ADCY5: variants seen among roughly 807,000 people sequenced by gnomAD.
The protein encoded by ADCY5 is adenylate cyclase 5, also known as adenylate cyclase type 5.
In ADCY5, 30 loss-of-function variants were observed where a neutral mutation model predicts 119.7. The ratio of observed to expected loss-of-function variants is 0.25; its 90% CI spans 0.19 to 0.34. ADCY5 has a LOEUF of 0.34. ADCY5 is among the 10% of genes least tolerant of loss of function. The pLI, the probability that ADCY5 is intolerant of heterozygous loss-of-function variation, is 1.00. For synonymous variants in ADCY5, 753 were observed against 762.2 expected, an observed-to-expected ratio of 0.99 and a Z score of 0.20; for missense variants, 1,324 against 1,775.2, an observed-to-expected ratio of 0.75 and a Z score of 4.57.
chr3:123,441,396 G>A (rs1042332978), intron 1 of ADCY5, among the ~76,000 whole-genome samples: 2 of 152,150 alleles, frequency 1.3e-5, no homozygotes, highest in Non-Finnish European at 2.9e-5. Flanking sequence ...AAGCCAAGGA[G>A]GTGGCCATCC....
chr3:123,344,148 C>A (rs1282640394), intron 3 of ADCY5, among the ~76,000 whole-genome samples: 3 of 152,214 alleles, frequency 2.0e-5, no homozygotes, highest in African/African-American at 7.2e-5. Flanking sequence ...TCCCCAAACC[C>A]CCATCAGTCT....
chr3:123,421,509 T>C (rs914808311), intron 1 of ADCY5, among the ~76,000 whole-genome samples: 3 of 152,198 alleles, frequency 2.0e-5, no homozygotes, highest in Non-Finnish European at 4.4e-5. Flanking sequence ...CTAAATCTAG[T>C]ACCTGGGTGT....
chr3:123,379,379 C>T (rs145190579), intron 1 of ADCY5, among the ~76,000 whole-genome samples: 2 of 152,174 alleles, frequency 1.3e-5, no homozygotes, highest in Non-Finnish European at 2.9e-5. Context: ...GGGAGCATGA[C>T]CTTCCTGGAC....
chr3:123,319,226 C>A (rs1324006736), intron 10 of ADCY5, among the ~76,000 whole-genome samples: 1 of 151,616 alleles, frequency 6.6e-6, no homozygotes, highest in South Asian at 2.1e-4. Flanking sequence ...TGGTGGCGGG[C>A]GCCTATAATC....
At chr3:123,437,217 A>G (rs1945633888) in intron 1 of ADCY5, among the ~76,000 whole-genome samples, 1 of 151,902 alleles carries the variant, frequency 6.6e-6, no homozygotes, top group Non-Finnish European at 1.5e-5. Flanking sequence ...GATTCCCCCA[A>G]CCCCGAGGTC....
intron 1 of ADCY5, among the ~76,000 whole-genome samples, chr3:123,417,733 G>GGGC (rs1945217819): frequency 1.3e-5 from 2 of 152,206 alleles, no homozygotes; most frequent in Non-Finnish European, 2.9e-5. Flanking sequence ...ATGTGACCCT[G>GGGC]GGTGGTCACC....
chr3:123,344,742 C>T (rs1393115120), intron 3 of ADCY5, among the ~76,000 whole-genome samples: 1 of 152,178 alleles, frequency 6.6e-6, no homozygotes, highest in Non-Finnish European at 1.5e-5. Context: ...GCCAAAAGTT[C>T]AACCCCAAAA....
chr3:123,299,523 C>T (rs1193293657), intron 15 of ADCY5, among the ~76,000 whole-genome samples: 1 of 152,260 alleles, frequency 6.6e-6, no homozygotes, highest in African/African-American at 2.4e-5. Flanking sequence ...AATCTTACAT[C>T]TGTCACTACA....
At chr3:123,416,128 G>C in intron 1 of ADCY5, 2 of 1,529,202 alleles carry the variant, frequency 1.3e-6, no homozygotes, top group Non-Finnish European at 1.8e-6. Flanking sequence ...AGGAGAAGGA[G>C]AATCAGCAGA....
chr3:123,403,739 G>A (rs1944833967), intron 1 of ADCY5, among the ~76,000 whole-genome samples: 1 of 152,206 alleles, frequency 6.6e-6, no homozygotes, highest in African/African-American at 2.4e-5. Context: ...GAACTCCTGA[G>A]TTGGGCTTTC....
chr3:123,377,828 G>A (rs1181176397), intron 1 of ADCY5, among the ~76,000 whole-genome samples: 1 of 150,044 alleles, frequency 6.7e-6, no homozygotes, highest in African/African-American at 2.4e-5. Context: ...TACTCGGGAG[G>A]CTGAGACAGA....
intron 5 of ADCY5, 73 bp downstream of exon 5, chr3:123,330,816 G>T: frequency 1.3e-6 from 2 of 1,487,644 alleles, no homozygotes; most frequent in Non-Finnish European, 1.8e-6. Flanking sequence ...CTAGGCAGCC[G>T]GCAGGTCAGT....
intron 1 of ADCY5, chr3:123,367,791 TCTC>T (rs956260928): frequency 6.3e-6 from 9 of 1,423,426 alleles, no homozygotes; most frequent in Non-Finnish European, 8.4e-6. Flanking sequence ...CATGCCCACA[TCTC>T]CTCCCTCTTT....
At chr3:123,293,392 T>C (rs1179257737) in intron 17 of ADCY5, among the ~76,000 whole-genome samples, 6 of 152,138 alleles carry the variant, frequency 3.9e-5, no homozygotes, top group Admixed American at 3.9e-4. Flanking sequence ...TCTTTATTGG[T>C]ATTTATGTGA....
At chr3:123,295,547 A>G (rs774265269) in intron 17 of ADCY5, among the ~76,000 whole-genome samples, 10 of 152,194 alleles carry the variant, frequency 6.6e-5, no homozygotes, top group Non-Finnish European at 1.2e-4. Flanking sequence ...CATGGTCAAC[A>G]GTCTTTGCTC....
intron 4 of ADCY5, among the ~76,000 whole-genome samples, chr3:123,331,866 G>A (rs1941780794): frequency 6.6e-6 from 1 of 152,184 alleles, no homozygotes; most frequent in South Asian, 2.1e-4. Context: ...GAGAAGCCCT[G>A]GCACTGGCAC....
chr3:123,313,007 GCAGGGAAC>G (rs11280339), intron 12 of ADCY5, among the ~76,000 whole-genome samples: 3 of 139,378 alleles, frequency 2.2e-5, no homozygotes, highest in Admixed American at 6.8e-5. Flanking sequence ...CAGTGGACAG[GCAGGGAAC>G]CAGCTAACGT....
intron 1 of ADCY5, among the ~76,000 whole-genome samples, chr3:123,410,498 ACT>A (rs1353535418): frequency 2.0e-5 from 3 of 152,108 alleles, no homozygotes; most frequent in Non-Finnish European, 4.4e-5. Flanking sequence ...CACATCCTGC[ACT>A]CTGTCTGCCT....
At chr3:123,391,176 G>A (rs376965956) in intron 1 of ADCY5, among the ~76,000 whole-genome samples, 2 of 152,320 alleles carry the variant, frequency 1.3e-5, no homozygotes, top group East Asian at 3.9e-4. Flanking sequence ...CTAGGCGGGT[G>A]GGAGGGGAGG....
Sources: gnomAD v4.1 joint callset for allele counts (sites outside exome capture counted in the v4.1 genomes callset) on GRCh38, gnomAD v4.1.1 for gene constraint, MANE v1.5 for transcripts, NCBI Gene and HGNC (gene_info 2026-07-23, HGNC 2026-07-21) for gene names.